Variants in GALNT10 observed in about 807,000 individuals in gnomAD.
GALNT10 encodes the protein polypeptide N-acetylgalactosaminyltransferase 10.
GALNT10 carries 41 observed loss-of-function variants against 75.0 expected under a neutral mutation model. The ratio of observed to expected loss-of-function variants is 0.55; its 90% CI spans 0.43 to 0.71. The LOEUF (loss-of-function observed/expected upper bound fraction) is 0.71, where lower values mean the gene tolerates loss of function less well. GALNT10 is among the 30% of genes least tolerant of loss of function. The pLI, the probability that GALNT10 is intolerant of heterozygous loss-of-function variation, is 0.00. For missense variants in GALNT10, 727 were observed against 818.5 expected (o/e 0.89, Z 1.36); for synonymous variants, 302 against 313.0 (o/e 0.96, Z 0.37).
At chr5:154,387,822 C>CAAAAAAAAAAAAA (rs1755829380) in intron 7 of GALNT10, 1 of 144,598 alleles carries the variant, frequency 6.9e-6, no homozygotes, top group African/African-American at 2.5e-5. Context: ...TTGATTAGCC[C>CAAAAAAAAAAAAA]AAAAAAAAAA....
rs983330801 is a variant in GALNT10, at chr5:154,298,023, C to A, written c.345C>A (p.Ile115=). The A allele has an allele frequency of 4.3e-6, 7 of 1,613,110 alleles. No individual in the cohort carries two copies. Among genetic ancestry groups the A allele is most frequent in the Non-Finnish European group, 5.9e-6 (7 of 1,179,172 alleles). Residue 115 remains isoleucine, a synonymous_variant, in exon 3 of 12, where the codon ATC becomes ATA. Coordinates refer to ENST00000297107, the MANE Select transcript of GALNT10 (RefSeq NM_198321.4). The surrounding 1 kb of genome is among the most constrained non-coding windows in gnomAD (Gnocchi z 4.1). The stretch of plus-strand genomic sequence containing the variant: ...CATACCGAGAAAATGGATTTAACAT[C>A]TACGTCAGTGATAAAATCTCCTTGA... ...DQAYRENGFN[I]YVSDKISLNR...
chr5:154,364,094 C>T (rs1424870735), intron 4 of GALNT10, among the ~76,000 whole-genome samples: 1 of 152,066 alleles, frequency 6.6e-6, no homozygotes. Flanking sequence ...TTGCGCTGAG[C>T]CTGGGGAGAA....
chr5:154,356,971 C>T (rs1311354427), intron 4 of GALNT10, among the ~76,000 whole-genome samples: 1 of 152,258 alleles, frequency 6.6e-6, no homozygotes, highest in Non-Finnish European at 1.5e-5. Flanking sequence ...TATGATACTC[C>T]TCTTTGTAGT....
intron 1 of GALNT10, among the ~76,000 whole-genome samples, chr5:154,212,966 TCA>T (rs1491212892): frequency 8.4e-4 from 123 of 145,574 alleles, no homozygotes; most frequent in Non-Finnish European, 8.0e-4. Context: ...AGATTCCATC[TCA>T]AAAAAAAAAA....
intron 3 of GALNT10, among the ~76,000 whole-genome samples, chr5:154,312,605 G>T (rs1754538097): frequency 6.6e-6 from 1 of 152,124 alleles, no homozygotes; most frequent in Non-Finnish European, 1.5e-5. Flanking sequence ...TATTCCATAG[G>T]AATATAATTT....
At chr5:154,359,127 G>A (rs1052543797) in intron 4 of GALNT10, among the ~76,000 whole-genome samples, 11 of 152,136 alleles carry the variant, frequency 7.2e-5, no homozygotes, top group Middle Eastern at 3.2e-3. Context: ...ATTTTGGAGC[G>A]GAGTGGGGCT....
chr5:154,294,797 G>C lies in GALNT10; in HGVS notation c.160-19G>C. The C allele has an allele frequency of 3.7e-6, 5 of 1,356,540 alleles. No homozygotes were observed. Among genetic ancestry groups the C allele is most frequent in the Non-Finnish European group, 5.3e-6 (5 of 945,460 alleles). 84.0% of individuals were successfully genotyped at this position (1,356,540 alleles called of 1,614,324 possible). On this transcript the variant is annotated intron_variant, in intron 1 of 11. Transcript: ENST00000297107. The stretch of plus-strand genomic sequence containing the variant: ...GATTTGCCCTTTTCTATTTTTCATA[G>C]TTTTTGTCTTTTTTTAAGGGCTCAC...
At chr5:154,333,307 A>G (rs13178265) in intron 4 of GALNT10, among the ~76,000 whole-genome samples, 96,727 of 152,086 alleles carry the variant, frequency 0.64, 31,635 homozygotes, top group Admixed American at 0.76. Context: ...ACAAGACCCC[A>G]TATCTGGGCC....
intron 3 of GALNT10, among the ~76,000 whole-genome samples, chr5:154,312,521 G>A (rs189321179): frequency 2.0e-5 from 3 of 152,210 alleles, no homozygotes; most frequent in Admixed American, 6.5e-5. Context: ...GTACTATTGT[G>A]TTTTATTCTA....
chr5:154,312,796 C>T (rs1052428602), intron 3 of GALNT10, among the ~76,000 whole-genome samples: 3 of 152,190 alleles, frequency 2.0e-5, no homozygotes, highest in Non-Finnish European at 2.9e-5. Context: ...GGAATGTTTG[C>T]CTGGCAGCTG....
rs70978535 is a variant in GALNT10, at chr5:154,310,449, TTTTG to T, written c.401+12398_401+12401del. On this transcript the variant is annotated intron_variant, in intron 3 of 11. Coordinates refer to ENST00000297107, the MANE Select transcript of GALNT10 (RefSeq NM_198321.4). ...ATCACTGGGTTTTTTTTGTTTTTTT[TTTTG>T]TTTGTTTGTTTGTTTGTTTGTTTGT... 2.2e-4 allele frequency among the ~76,000 whole-genome samples: 28 copies of T among 125,260 alleles called. No individual in the cohort carries two copies. The South Asian group carries it at 2.4e-3, about 11-fold the overall frequency. 82.2% of individuals were successfully genotyped at this position (125,260 alleles called of 152,430 possible).
intron 7 of GALNT10, among the ~76,000 whole-genome samples, chr5:154,398,887 A>G (rs1196454669): frequency 6.6e-6 from 1 of 152,204 alleles, no homozygotes; most frequent in Non-Finnish European, 1.5e-5. Context: ...CCATAGGGTG[A>G]AAAAACTTGA....
intron 10 of GALNT10, 47 bp from the exon 11 acceptor site, chr5:154,415,736 A>C (rs376648906): frequency 1.7e-5 from 26 of 1,538,746 alleles, no homozygotes; most frequent in Non-Finnish European, 2.3e-5. Context: ...AGAAAAAAAG[A>C]AAGTCCTTGG....
intron 1 of GALNT10, among the ~76,000 whole-genome samples, chr5:154,196,956 A>G (rs539855685): frequency 6.6e-5 from 10 of 152,304 alleles, no homozygotes; most frequent in African/African-American, 2.4e-4. Flanking sequence ...ACAGTGTTCC[A>G]GGCAGTAATC....
chr5:154,418,031 A>C lies in GALNT10; in HGVS notation c.*1059A>C, dbSNP rs1756550991. On this transcript the variant is annotated 3_prime_UTR_variant, in exon 12 of 12. Transcript: ENST00000297107. ...AATTTTTAAAGAACTCTATAATTGGATTGCAAACTAGGATGCTACATAGGA... is the reference window on the plus strand; with the variant it reads ...AATTTTTAAAGAACTCTATAATTGGCTTGCAAACTAGGATGCTACATAGGA... 6.6e-6 allele frequency: 1 copy of C among 152,206 alleles called. No individual in the cohort carries two copies. Among genetic ancestry groups the C allele is most frequent in the South Asian group, 2.1e-4 (1 of 4,828 alleles). The allele number at this position is 152,206 out of a possible 1,614,324, so 9.4% of individuals were successfully genotyped here. A position where few individuals can be genotyped will look rare whatever the true frequency, so the allele number is the denominator to read the frequency against.
intron 8 of GALNT10, among the ~76,000 whole-genome samples, chr5:154,408,017 A>G (rs1022931619): frequency 2.0e-5 from 3 of 152,110 alleles, no homozygotes; most frequent in African/African-American, 7.2e-5. Flanking sequence ...TGGTTTTTAC[A>G]TTTTTAAATC....
intron 7 of GALNT10, chr5:154,393,075 A>AAAAAAAAAAC (rs1432597513): frequency 4.6e-5 from 7 of 150,966 alleles, no homozygotes; most frequent in African/African-American, 1.7e-4. Flanking sequence ...AAAAAAAAAA[A>AAAAAAAAAAC]AAACCCATTT....
At position 154,412,976 on chromosome 5, in the gene GALNT10, C is replaced by T. The variant is rs757619293; in HGVS notation, c.1474C>T (p.Arg492Cys). ...AAGGCTAGAGGGCTGCGTCCGAGGC[C>T]GTGGGGAGGCTGCCTGGAACAACAT... ...PLRLEGCVRG[R>C]GEAAWNNMQV... Residue 492 changes from arginine to cysteine, a missense_variant, in exon 10 of 12, where the codon CGT becomes TGT. Physicochemically the swap from Arg to Cys is radical, Grantham distance 180 (BLOSUM62 -3). Coordinates refer to ENST00000297107, the MANE Select transcript of GALNT10 (RefSeq NM_198321.4). This position sits in a 1 kb window ranked among gnomAD's most constrained non-coding sequence, Gnocchi z 4.2. The T allele has an allele frequency of 2.8e-5, 45 of 1,612,044 alleles. 1 individual carries two copies. The South Asian group carries it at 3.7e-4, about 13-fold the overall frequency.
intron 7 of GALNT10, among the ~76,000 whole-genome samples, chr5:154,391,748 C>T (rs188672962): frequency 6.6e-4 from 101 of 152,350 alleles, no homozygotes; most frequent in African/African-American, 2.4e-3. Context: ...GGGCTGGATG[C>T]AGGGACTCAG....
Sources: allele counts gnomAD v4.1 joint callset (sites outside exome capture counted in the v4.1 genomes callset), GRCh38; gene constraint gnomAD v4.1.1; non-coding constraint Gnocchi (gnomAD v3.1); transcripts MANE v1.5; gene names NCBI Gene and HGNC (gene_info 2026-07-23, HGNC 2026-07-21).